The following PRKN variants were observed in gnomAD, a reference collection of about 807,000 sequenced individuals.
PRKN encodes the protein parkin RBR E3 ubiquitin protein ligase.
Under a neutral mutation model 59.5 loss-of-function variants are expected in PRKN, and 56 were observed. The observed-to-expected ratio is 0.94, with a 90% CI of 0.76 to 1.18. PRKN has a LOEUF of 1.18. Among genes scored for constraint, PRKN ranks in the 50% most tolerant of loss-of-function variants. The probability of loss-of-function intolerance (pLI) is 0.00; values close to 1 mark genes in which losing one functional copy is unlikely to be tolerated. For synonymous variants in PRKN, 250 were observed against 222.1 expected (o/e 1.13, Z -1.12); for missense variants, 657 against 596.4 (o/e 1.10, Z -1.06).
intron 6 of PRKN, among the ~76,000 whole-genome samples, chr6:161,875,326 T>C (rs1794694712): frequency 6.6e-6 from 1 of 151,096 alleles, no homozygotes; most frequent in South Asian, 2.1e-4. Context: ...TCCCAGTAGC[T>C]GGGATTACAT....
chr6:162,658,651 ACT>A lies in PRKN; in HGVS notation c.7+69009_7+69010del, dbSNP rs558322532. 8.9e-4 allele frequency among the ~76,000 whole-genome samples: 110 copies of A among 124,224 alleles called. 2 individuals carry two copies. In the East Asian group the frequency reaches 0.021, roughly 24 times the overall value. The allele number at this position is 124,224 out of a possible 152,430, so 81.5% of individuals were successfully genotyped here. A position where few individuals can be genotyped will look rare whatever the true frequency, so the allele number is the denominator to read the frequency against. On this transcript the variant is annotated intron_variant, in intron 1 of 11. Transcript: ENST00000366898. ...ACTACAGCCTGGGCGACAGAGTGAG[ACT>A]CTGTCAAAAAAAAAAAAAAAGAAAA...
chr6:161,988,121 G>A (rs570988772), intron 5 of PRKN, among the ~76,000 whole-genome samples: 2 of 152,144 alleles, frequency 1.3e-5, no homozygotes, highest in Admixed American at 6.5e-5. Context: ...TGGTGGCCCC[G>A]GCCTTCCATC....
intron 1 of PRKN, among the ~76,000 whole-genome samples, chr6:162,578,787 T>C (rs1316212841): frequency 6.6e-6 from 1 of 152,180 alleles, no homozygotes; most frequent in Non-Finnish European, 1.5e-5. Context: ...ATTCATCTCA[T>C]CAAAATGCAA....
chr6:162,054,027 G>T, intron 5 of PRKN, 64 bp downstream of exon 5: 2 of 1,057,488 alleles, frequency 1.9e-6, no homozygotes, highest in Non-Finnish European at 3.0e-6. Flanking sequence ...CTAATTTCCT[G>T]GCAAACAGTG....
At chr6:162,069,139 C>T (rs925840138) in intron 4 of PRKN, among the ~76,000 whole-genome samples, 4 of 152,058 alleles carry the variant, frequency 2.6e-5, no homozygotes, top group Non-Finnish European at 2.9e-5. Flanking sequence ...CCCAGAATTC[C>T]CACGTGTTGT....
chr6:161,873,967 TATAATATATAAAATATATATGTAAAA>T (rs1794460506), intron 6 of PRKN, among the ~76,000 whole-genome samples: 1 of 68,682 alleles, frequency 1.5e-5, no homozygotes, highest in African/African-American at 5.4e-5. Flanking sequence ...ATATGTAAAA[TATAATATATAAAATATATATGTAAAA>T]TATAATATAT....
rs759161543 is a variant in PRKN at position 161,593,987 on chromosome 6, T to TAA, written c.872-24573_872-24572dup. Among the ~76,000 whole-genome samples, 1 of 135,230 alleles carries TAA rather than the reference T, an allele frequency of 7.4e-6. No individual in the cohort carries two copies. Among genetic ancestry groups the TAA allele is most frequent in the African/African-American group, 2.7e-5 (1 of 36,940 alleles). The allele number at this position is 135,230 out of a possible 152,430, so 88.7% of individuals were successfully genotyped here. ...CAACATAGTGAAACCCCATCTCTACTAAAAAAAAAAAACAAAAAACAAAAA... is the reference window on the plus strand; with the variant it reads ...CAACATAGTGAAACCCCATCTCTACTAAAAAAAAAAAAAACAAAAAACAAAAA... On this transcript the variant is annotated intron_variant, in intron 7 of 11. Transcript: ENST00000366898. The surrounding 1 kb of genome is among the most constrained non-coding windows in gnomAD (Gnocchi z 4.8).
intron 2 of PRKN, among the ~76,000 whole-genome samples, chr6:162,276,695 GTGTGTGTGTGTC>G (rs1479365938): frequency 6.8e-6 from 1 of 147,786 alleles, no homozygotes; most frequent in African/African-American, 2.5e-5. Context: ...AAGCTGGTGT[GTGTGTGTGTGTC>G]TGTGTGTGTG....
intron 7 of PRKN, among the ~76,000 whole-genome samples, chr6:161,586,038 C>G (rs1423373692): frequency 6.6e-6 from 1 of 152,022 alleles, no homozygotes; most frequent in East Asian, 1.9e-4. Flanking sequence ...AAAAAAAGAA[C>G]AGTTAGGGTG....
intron 2 of PRKN, among the ~76,000 whole-genome samples, chr6:162,441,226 C>T (rs1335340804): frequency 2.0e-5 from 3 of 152,106 alleles, no homozygotes; most frequent in Admixed American, 2.0e-4. Context: ...CCATTTCCTT[C>T]TATGGCATGA....
chr6:162,565,628 T>C (rs1223243956), intron 1 of PRKN, among the ~76,000 whole-genome samples: 2 of 152,140 alleles, frequency 1.3e-5, no homozygotes, highest in Non-Finnish European at 2.9e-5. Context: ...AGGCAGAGGT[T>C]GCAGTGAGCT....
rs948546068 is a variant in PRKN at position 161,582,776 on chromosome 6, G to A, written c.872-13360C>T. 2.6e-5 allele frequency among the ~76,000 whole-genome samples: 4 copies of A among 152,106 alleles called. No individual in the cohort carries two copies. The highest frequency in any genetic ancestry group is 9.7e-5 in the African/African-American group (4 of 41,400). ...TAAGGATAAATGAAACCAGACGTAAGTGTCATACATGCATGAATTGAGTTC... is the reference window on the plus strand; with the variant it reads ...TAAGGATAAATGAAACCAGACGTAAATGTCATACATGCATGAATTGAGTTC... On this transcript the variant is annotated intron_variant, in intron 7 of 11. Transcript: ENST00000366898. The surrounding 1 kb of genome is among the most constrained non-coding windows in gnomAD (Gnocchi z 4.4).
chr6:161,741,102 C>A (rs1021523612), intron 7 of PRKN, among the ~76,000 whole-genome samples: 1 of 152,206 alleles, frequency 6.6e-6, no homozygotes, highest in South Asian at 2.1e-4. Context: ...CTTAATTCAG[C>A]CTATTCTCCT....
chr6:162,081,783 T>C (rs375981290), intron 4 of PRKN, among the ~76,000 whole-genome samples: 1 of 152,198 alleles, frequency 6.6e-6, no homozygotes, highest in East Asian at 1.9e-4. Context: ...GCTAAGAAAG[T>C]CCTAGATAGC....
chr6:161,860,041 T>C (rs997421615), intron 6 of PRKN, among the ~76,000 whole-genome samples: 5 of 152,192 alleles, frequency 3.3e-5, no homozygotes, highest in African/African-American at 1.2e-4. Context: ...ACTTCAAAAT[T>C]ATCATGTTGT....
At chr6:162,523,949 C>A (rs1173892451) in intron 1 of PRKN, among the ~76,000 whole-genome samples, 1 of 152,044 alleles carries the variant, frequency 6.6e-6, no homozygotes, top group East Asian at 1.9e-4. Flanking sequence ...TGAATAAGCA[C>A]AACGGCTAGA....
chr6:161,349,476 A>G lies in PRKN; in HGVS notation c.*623T>C, dbSNP rs530999210. 10 of 232,936 alleles carry G rather than the reference A, an allele frequency of 4.3e-5. No homozygotes were observed. In the East Asian group the frequency reaches 5.5e-4, roughly 13 times the overall value. The allele number at this position is 232,936 out of a possible 1,614,324, so 14.4% of individuals were successfully genotyped here. On this transcript the variant is annotated 3_prime_UTR_variant, in exon 12 of 12. Coordinates refer to ENST00000366898, the MANE Select transcript of PRKN (RefSeq NM_004562.3). The surrounding 1 kb of genome is among the most constrained non-coding windows in gnomAD (Gnocchi z 5.5). Reference sequence around the variant, plus strand: ...AGTTGGTATTTCATTAATGCGATTTATATAGATGGAATTCTTAAGGATAAA... The same window carrying G: ...AGTTGGTATTTCATTAATGCGATTTGTATAGATGGAATTCTTAAGGATAAA...
chr6:162,199,405 T>C (rs2128329615), intron 4 of PRKN, among the ~76,000 whole-genome samples: 1 of 152,310 alleles, frequency 6.6e-6, no homozygotes, highest in South Asian at 2.1e-4. Flanking sequence ...TCTTATGAAA[T>C]AATTAAACCA....
At chr6:162,395,696 A>G (rs1477282620) in intron 2 of PRKN, among the ~76,000 whole-genome samples, 1 of 142,334 alleles carries the variant, frequency 7.0e-6, no homozygotes, top group Non-Finnish European at 1.5e-5. Context: ...CTTTGTTTGC[A>G]AAAAAAAAAA....
Sources: gnomAD v4.1 joint callset for allele counts (sites outside exome capture counted in the v4.1 genomes callset) on GRCh38, gnomAD v4.1.1 for gene constraint, Gnocchi (gnomAD v3.1) non-coding constraint, MANE v1.5 for transcripts, NCBI Gene and HGNC (gene_info 2026-07-23, HGNC 2026-07-21) for gene names.